ZNF654: variants seen among roughly 807,000 people sequenced by gnomAD.
ZNF654 encodes melanoma-associated antigen.
ZNF654 carries 19 observed loss-of-function variants against 95.3 expected under a neutral mutation model. That is an observed-to-expected ratio of 0.20 (90% CI 0.14 to 0.29). The LOEUF is 0.29. Among genes scored for constraint, ZNF654 ranks in the 10% least tolerant of loss-of-function variants. The pLI is 1.00. For synonymous variants in ZNF654, 413 were observed against 457.9 expected (o/e 0.90, Z 1.25); for missense variants, 1,046 against 1,341.0 (o/e 0.78, Z 3.44).
intron 4 of ZNF654, among the ~76,000 whole-genome samples, chr3:88,126,579 CTTTTTTTT>C (rs144091813): frequency 7.3e-5 from 6 of 81,774 alleles, no homozygotes; most frequent in East Asian, 4.0e-4. Flanking sequence ...GTAGAAACAT[CTTTTTTTT>C]TTTTTTTTTT....
At chr3:88,063,406 T>A (rs1236778366) in intron 1 of ZNF654, among the ~76,000 whole-genome samples, 2 of 152,176 alleles carry the variant, frequency 1.3e-5, no homozygotes, top group Non-Finnish European at 2.9e-5. Flanking sequence ...TAAGAGATGG[T>A]ATTCACAGAA....
chr3:88,140,722 A>G lies in ZNF654; in HGVS notation c.3053A>G (p.His1018Arg), dbSNP rs1707075583. 1.9e-6 allele frequency: 3 copies of G among 1,613,804 alleles called. No individual in the cohort carries two copies. The highest frequency in any genetic ancestry group is 2.5e-6 in the Non-Finnish European group (3 of 1,179,764). Reference protein sequence around the residue: ...SILPSVVPQEHNTLPVSQAPS... With the variant: ...SILPSVVPQERNTLPVSQAPS... ...TTGCCCAGTGTTGTACCACAAGAAC[A>G]CAACACCTTGCCAGTATCTCAGGCA... is the stretch of plus-strand genomic sequence containing the variant. Residue 1018 changes from histidine (H) to arginine (R), a missense_variant, in exon 8 of 9, where the codon CAC (histidine) becomes CGC (arginine). By Grantham distance (29) the His-to-Arg change is conservative. This residue lies in a region of ZNF654 where 495 missense variants were observed against 537.0 expected (regional missense o/e 0.92). Coordinates refer to ENST00000636215, the MANE Select transcript of ZNF654 (RefSeq NM_001350134.2).
In ZNF654 at chr3:88,118,891, G is replaced by A. The variant is rs563541876; in HGVS notation, c.414+5695G>A. Among the ~76,000 whole-genome samples the A allele has an allele frequency of 1.3e-4, 20 of 151,562 alleles. 1 individual carries two copies. Among genetic ancestry groups the A allele is most frequent in the African/African-American group, 4.8e-4 (20 of 41,286 alleles). On this transcript the variant is annotated intron_variant, in intron 3 of 8. Transcript: ENST00000636215. The stretch of plus-strand genomic sequence containing the variant: ...ATTAAAAAGTCAGGAAACAACAGGT[G>A]CTGGAGAGGATGTGGAGAAATAGGA...
intron 1 of ZNF654, among the ~76,000 whole-genome samples, chr3:88,075,503 T>C (rs2107628016): frequency 6.6e-6 from 1 of 152,374 alleles, no homozygotes; most frequent in East Asian, 1.9e-4. Flanking sequence ...TTGTTGTTTC[T>C]GAAGTCTGTG....
At chr3:88,060,463 T>C (rs2049817) in intron 1 of ZNF654, among the ~76,000 whole-genome samples, 119,210 of 152,056 alleles carry the variant, frequency 0.78, 47,643 homozygotes, top group South Asian at 0.91. Context: ...ACAATCTTTT[T>C]TTGCAAGCTA....
chr3:88,144,474 T>C lies in ZNF654; in HGVS notation c.*2822T>C, dbSNP rs187575030. ...TGGAGTTGTTAATATGTGAAAGATA[T>C]TACAGATTCAGCAAGAAAGGAAATT... is the stretch of plus-strand genomic sequence containing the variant. On this transcript the variant is annotated 3_prime_UTR_variant, in exon 9 of 9. Coordinates refer to ENST00000636215, the MANE Select transcript of ZNF654 (RefSeq NM_001350134.2). 3 of 152,542 alleles carry C rather than the reference T, an allele frequency of 2.0e-5. No homozygotes were observed. The highest frequency in any genetic ancestry group is 1.3e-4 in the Admixed American group (2 of 15,270). The allele number at this position is 152,542 out of a possible 1,614,324, so 9.4% of individuals were successfully genotyped here. A position where few individuals can be genotyped will look rare whatever the true frequency, so the allele number is the denominator to read the frequency against.
At chr3:88,138,499 CTATT>C (rs1384042159) in intron 7 of ZNF654, among the ~76,000 whole-genome samples, 1 of 151,984 alleles carries the variant, frequency 6.6e-6, no homozygotes, top group African/African-American at 2.4e-5. Flanking sequence ...AAAATGCTAT[CTATT>C]CCAGATTATT....
At chr3:88,112,676 T>C (rs539934715) in intron 2 of ZNF654, among the ~76,000 whole-genome samples, 59 of 152,118 alleles carry the variant, frequency 3.9e-4, no homozygotes, top group African/African-American at 1.2e-3. Flanking sequence ...TTCTAACTTA[T>C]GTTTTTGTGT....
chr3:88,126,384 A>G lies in ZNF654; in HGVS notation c.550+115A>G, dbSNP rs370927193. On this transcript the variant is annotated intron_variant, in intron 4 of 8. Coordinates refer to ENST00000636215, the MANE Select transcript of ZNF654 (RefSeq NM_001350134.2). Reference sequence around the variant, plus strand: ...TCATTTTATAATACTGAATAATGGGAGTGATGTATTTTCACATGAAAAGTG... The same window carrying G: ...TCATTTTATAATACTGAATAATGGGGGTGATGTATTTTCACATGAAAAGTG... 6.3e-6 allele frequency: 7 copies of G among 1,106,022 alleles called. No individual in the cohort carries two copies. The African/African-American group carries it at 9.6e-5, about 15-fold the overall frequency. The allele number at this position is 1,106,022 out of a possible 1,614,324, so 68.5% of individuals were successfully genotyped here.
Position 88,084,063 on chromosome 3 carries a change from C to T in ZNF654, c.187-2194C>T, listed in dbSNP as rs532420464. On this transcript the variant is annotated intron_variant, in intron 1 of 8. Coordinates refer to ENST00000636215, the MANE Select transcript of ZNF654 (RefSeq NM_001350134.2). ...ACAATGTAAAACGGTATCTAAATTT[C>T]AGTTGATTTTGTTTATGTCCCTTTC... is the stretch of plus-strand genomic sequence containing the variant. Among the ~76,000 whole-genome samples, 212 of 152,098 alleles carry T rather than the reference C, an allele frequency of 1.4e-3. 2 individuals carry two copies. The highest frequency in any genetic ancestry group is 4.9e-3 in the African/African-American group (204 of 41,474).
chr3:88,141,179 A>G (rs1576360215), intron 8 of ZNF654, 131 bp downstream of exon 8: 3 of 1,055,936 alleles, frequency 2.8e-6, no homozygotes, highest in South Asian at 3.5e-5. Flanking sequence ...TACTCCATAC[A>G]TTATTTCCTT....
At chr3:88,059,756 A>C (rs1393765604) in intron 1 of ZNF654, among the ~76,000 whole-genome samples, 1 of 151,878 alleles carries the variant, frequency 6.6e-6, no homozygotes, top group Non-Finnish European at 1.5e-5. Flanking sequence ...GGAAAGAAGG[A>C]AGGTCGGCTG....
At position 88,139,898 on chromosome 3, in the gene ZNF654, A is replaced by G. The variant is rs1707014711; in HGVS notation, c.2229A>G (p.Glu743=). 1.2e-5 allele frequency: 20 copies of G among 1,613,040 alleles called. No individual in the cohort carries two copies. The highest frequency in any genetic ancestry group is 1.7e-5 in the Non-Finnish European group (20 of 1,179,566). The change falls in exon 8 of 9, where the codon GAA becomes GAG. Residue 743 remains glutamate (E), a synonymous_variant. Coordinates refer to ENST00000636215, the MANE Select transcript of ZNF654 (RefSeq NM_001350134.2). The part of the protein sequence containing the change: ...HPKDIYATDQ[E]GNFKCPALGC... ...AAGACATATATGCCACAGATCAAGA[A>G]GGAAACTTTAAGTGTCCTGCTCTTG...
intron 2 of ZNF654, among the ~76,000 whole-genome samples, chr3:88,090,850 T>G (rs114726730): frequency 5.1e-4 from 77 of 152,210 alleles, no homozygotes; most frequent in African/African-American, 1.8e-3. Context: ...ACTGACGACA[T>G]CTGATAAGCT....
At chr3:88,063,064 C>T (rs1706978098) in intron 1 of ZNF654, among the ~76,000 whole-genome samples, 1 of 152,140 alleles carries the variant, frequency 6.6e-6, no homozygotes, top group Non-Finnish European at 1.5e-5. Context: ...TGGCGGGGTT[C>T]TCAGAGATTT....
intron 5 of ZNF654, among the ~76,000 whole-genome samples, chr3:88,129,356 A>G (rs1386258653): frequency 1.3e-5 from 2 of 149,534 alleles, no homozygotes; most frequent in Non-Finnish European, 3.0e-5. Context: ...CCCAAGAAGC[A>G]TTATGATCTT....
At chr3:88,112,955 T>C (rs1046722266) in intron 2 of ZNF654, among the ~76,000 whole-genome samples, 160 bp from the exon 3 acceptor site, 14 of 152,130 alleles carry the variant, frequency 9.2e-5, no homozygotes, top group African/African-American at 3.4e-4. Flanking sequence ...TTTTAAAATC[T>C]TACAGAAAAC....
chr3:88,082,036 G>A (rs758429043), intron 1 of ZNF654, among the ~76,000 whole-genome samples: 16 of 152,048 alleles, frequency 1.1e-4, no homozygotes, highest in Non-Finnish European at 1.3e-4. Flanking sequence ...ATTAGTCTGC[G>A]TTCAACAAAT....
chr3:88,105,760 T>C (rs891098956), intron 2 of ZNF654, among the ~76,000 whole-genome samples: 1 of 152,232 alleles, frequency 6.6e-6, no homozygotes, highest in Non-Finnish European at 1.5e-5. Flanking sequence ...TGTATTTTTC[T>C]TCTTGTGACT....
Sources: gnomAD v4.1 joint callset for allele counts (sites outside exome capture counted in the v4.1 genomes callset) on GRCh38, gnomAD v4.1.1 for gene constraint, gnomAD v4.1.1 regional missense constraint, MANE v1.5 for transcripts, NCBI Gene and HGNC (gene_info 2026-07-23, HGNC 2026-07-21) for gene names.